Variants in BPIFB4 observed in about 807,000 individuals in gnomAD.
The protein encoded by BPIFB4 is BPI fold containing family B member 4, also known as BPI fold-containing family B member 4.
Under a neutral mutation model 69.2 loss-of-function variants are expected in BPIFB4, and 62 were observed. The observed-to-expected ratio is 0.90, with a 90% CI of 0.73 to 1.11. The LOEUF is 1.11. BPIFB4 is among the 50% of genes least tolerant of loss of function. The pLI, the probability that BPIFB4 is intolerant of heterozygous loss-of-function variation, is 0.00. For synonymous variants in BPIFB4, 330 were observed against 332.7 expected, an observed-to-expected ratio of 0.99 and a Z score of 0.09; for missense variants, 789 against 792.0, an observed-to-expected ratio of 1.00 and a Z score of 0.04.
chr20:33,084,546 A>G (rs773392893), intron 5 of BPIFB4, among the ~76,000 whole-genome samples: 2 of 152,162 alleles, frequency 1.3e-5, no homozygotes, highest in Non-Finnish European at 2.9e-5. Context: ...TGAAGAATGT[A>G]TAGGAGGGAA....
intron 11 of BPIFB4, among the ~76,000 whole-genome samples, chr20:33,094,079 C>A (rs1244868799): frequency 1.2e-4 from 18 of 152,214 alleles, no homozygotes; most frequent in Admixed American, 1.2e-3. Context: ...CTGCACAAAA[C>A]CATCATACAA....
rs1443084486 is a variant in BPIFB4 at position 33,081,549 on chromosome 20, C to T, written c.23C>T (p.Ala8Val). Residue 8 changes from alanine (A) to valine (V), a missense_variant, in exon 3 of 18, where the codon GCT becomes GTT. Around this residue, in one of 3 missense-constraint regions of BPIFB4, gnomAD observed 611 missense variants for 575.4 expected, o/e 1.06. Transcript: ENST00000375483. Reference sequence around the variant, plus strand: ...AGCATGTGGATGGCCTGGTGTGTGGCTGCGCTGTCTGTGGTGGCTGTGTGT... The same window carrying T: ...AGCATGTGGATGGCCTGGTGTGTGGTTGCGCTGTCTGTGGTGGCTGTGTGT... Reference protein sequence around the residue: MWMAWCVAALSVVAVCGT... With the variant: MWMAWCVVALSVVAVCGT... The T allele has an allele frequency of 8.4e-6, 13 of 1,551,624 alleles. No individual in the cohort carries two copies. Among genetic ancestry groups the T allele is most frequent in the Middle Eastern group, 1.7e-4 (1 of 6,014 alleles).
At chr20:33,108,779 T>C (rs569809222) in intron 17 of BPIFB4, among the ~76,000 whole-genome samples, 1 of 152,360 alleles carries the variant, frequency 6.6e-6, no homozygotes, top group African/African-American at 2.4e-5. Flanking sequence ...TCCACCATTA[T>C]AAATACCATC....
intron 17 of BPIFB4, 79 bp downstream of exon 17, chr20:33,107,899 G>T (rs1982116887): frequency 2.4e-6 from 3 of 1,269,078 alleles, no homozygotes; most frequent in Non-Finnish European, 3.4e-6. Flanking sequence ...TTCAGGCCAG[G>T]AACTTGGAAG....
At chr20:33,094,846 C>A (rs6059077) in intron 11 of BPIFB4, among the ~76,000 whole-genome samples, 1,760 of 152,260 alleles carry the variant, frequency 0.012, 31 homozygotes, top group African/African-American at 0.04. Flanking sequence ...TCAGGTTTTG[C>A]CTGCTGTTCT....
chr20:33,095,401 C>T (rs532452925), intron 12 of BPIFB4, among the ~76,000 whole-genome samples: 3 of 152,202 alleles, frequency 2.0e-5, no homozygotes, highest in Non-Finnish European at 4.4e-5. Flanking sequence ...TAGGCCTAAT[C>T]CTAGCCTGGC....
intron 11 of BPIFB4, among the ~76,000 whole-genome samples, chr20:33,093,952 G>A (rs1399593628): frequency 6.6e-6 from 1 of 152,092 alleles, no homozygotes; most frequent in East Asian, 1.9e-4. Flanking sequence ...CTCTCTGTCT[G>A]TCTCCCTGTC....
intron 13 of BPIFB4, among the ~76,000 whole-genome samples, chr20:33,099,545 A>C (rs1335549888): frequency 6.6e-6 from 1 of 152,042 alleles, no homozygotes; most frequent in African/African-American, 2.4e-5. Context: ...CTGCAGCCTC[A>C]CGAACCCTTT....
chr20:33,081,406 G>A, intron 2 of BPIFB4, 106 bp from the exon 3 acceptor site: 2 of 1,464,518 alleles, frequency 1.4e-6, no homozygotes, highest in South Asian at 1.4e-5. Context: ...CCTCTCTCTG[G>A]GTCCCAGGGT....
intron 16 of BPIFB4, among the ~76,000 whole-genome samples, chr20:33,105,461 T>TTA (rs1204164676): frequency 6.6e-6 from 1 of 152,142 alleles, no homozygotes; most frequent in Non-Finnish European, 1.5e-5. Context: ...TTGCCCAACT[T>TTA]TATAAACAGA....
chr20:33,108,113 G>A (rs887485531), intron 17 of BPIFB4, among the ~76,000 whole-genome samples: 14 of 152,126 alleles, frequency 9.2e-5, no homozygotes, highest in Non-Finnish European at 1.6e-4. Context: ...TGCCCAAAAT[G>A]GAATGTGGTA....
At chr20:33,107,566 G>T (rs1982103914) in intron 16 of BPIFB4, among the ~76,000 whole-genome samples, 178 bp from the exon 17 acceptor site, 1 of 152,190 alleles carries the variant, frequency 6.6e-6, no homozygotes, top group Admixed American at 6.5e-5. Context: ...AACCTGGGAG[G>T]TGGAGGTTGC....
intron 16 of BPIFB4, among the ~76,000 whole-genome samples, chr20:33,106,454 C>A (rs944978365): frequency 1.3e-5 from 2 of 150,198 alleles, no homozygotes; most frequent in Non-Finnish European, 3.0e-5. Flanking sequence ...CTCACTGCAA[C>A]CTCTGCCTCC....
At chr20:33,099,647 GATTACTCTCCCAC>G (rs756464231) in intron 13 of BPIFB4, among the ~76,000 whole-genome samples, 13 of 152,134 alleles carry the variant, frequency 8.5e-5, no homozygotes, top group Non-Finnish European at 1.5e-4. Context: ...CCACTGCCTG[GATTACTCTCCCAC>G]CCTCTTTTCA....
chr20:33,090,438 C>T (rs1405128850), intron 9 of BPIFB4, among the ~76,000 whole-genome samples: 1 of 152,220 alleles, frequency 6.6e-6, no homozygotes, highest in Non-Finnish European at 1.5e-5. Flanking sequence ...ATATTGCACC[C>T]CCCTGCCCCC....
intron 13 of BPIFB4, 59 bp downstream of exon 13, chr20:33,097,846 C>A: frequency 2.0e-6 from 3 of 1,490,026 alleles, no homozygotes; most frequent in Non-Finnish European, 2.7e-6. Flanking sequence ...GCCACATGGT[C>A]TCCTGGAGCC....
In BPIFB4 at chr20:33,088,942, C is replaced by G. The variant is rs780890005; in HGVS notation, c.927-24C>G. 7.4e-6 allele frequency: 12 copies of G among 1,613,236 alleles called. No homozygotes were observed. The Admixed American group carries it at 1.8e-4, about 25-fold the overall frequency. On this transcript the variant is annotated intron_variant, in intron 7 of 17. Transcript: ENST00000375483. ...GCCCCACATGGCTGCGAGCCTTGAC[C>G]TCATCCTGCTCCTGTCTCCTTAGGC...
In BPIFB4 at chr20:33,083,646, G is replaced by T; in HGVS notation, c.449G>T (p.Arg150Leu). Residue 150 changes from arginine to leucine, a missense_variant, in exon 5 of 18, where the codon CGA becomes CTA. Arg to Leu is a moderately radical substitution (Grantham distance 102). Transcript: ENST00000375483. ...RAAPVGRLHRRELQPGEIPPG... is the reference protein window; with the variant it reads ...RAAPVGRLHRLELQPGEIPPG... ...GCACCTGTGGGCAGGCTTCACCGGC[G>T]AGAGCTGCAGCCTGGAGAAATCCCA... 1 of 1,614,106 alleles carries T rather than the reference G, an allele frequency of 6.2e-7. No individual in the cohort carries two copies. Among genetic ancestry groups the T allele is most frequent in the Non-Finnish European group, 8.5e-7 (1 of 1,180,010 alleles).
At chr20:33,111,319 GA>G (rs1247288125) in intron 17 of BPIFB4, 94 bp from the exon 18 acceptor site, 3 of 1,533,816 alleles carry the variant, frequency 2.0e-6, no homozygotes, top group Non-Finnish European at 2.7e-6. Context: ...CTGCTTCCTA[GA>G]AACATGACCG....
Sources: allele counts gnomAD v4.1 joint callset (sites outside exome capture counted in the v4.1 genomes callset), GRCh38; gene constraint gnomAD v4.1.1; regional missense constraint gnomAD v4.1.1; transcripts MANE v1.5; gene names NCBI Gene and HGNC (gene_info 2026-07-23, HGNC 2026-07-21).